The following PLCB4 variants were observed in gnomAD, a reference collection of about 807,000 sequenced individuals.
PLCB4 encodes phospholipase C beta 4.
Under a neutral mutation model 178.8 loss-of-function variants are expected in PLCB4, and 77 were observed. The observed-to-expected ratio is 0.43, with a 90% CI of 0.36 to 0.52. The LOEUF is 0.52. Ranked by LOEUF, PLCB4 falls within the 20% of genes least tolerant of loss-of-function variation. The pLI is 0.00. For synonymous variants in PLCB4, 496 were observed against 490.8 expected (o/e 1.01, Z -0.14); for missense variants, 1,024 against 1,453.4 (o/e 0.70, Z 4.80).
intron 35 of PLCB4, 49 bp from the exon 36 acceptor site, chr20:9,468,522 A>G: frequency 8.6e-7 from 1 of 1,160,018 alleles, no homozygotes; most frequent in Non-Finnish European, 1.3e-6. Flanking sequence ...CATTAAACAC[A>G]AACTCTCCAT....
intron 2 of PLCB4, among the ~76,000 whole-genome samples, chr20:9,204,449 T>C (rs1223485582): frequency 6.7e-6 from 1 of 150,224 alleles, no homozygotes; most frequent in Admixed American, 6.6e-5. Flanking sequence ...AACCTCTGCC[T>C]CCTGGGTTCA....
intron 2 of PLCB4, among the ~76,000 whole-genome samples, chr20:9,105,604 G>C (rs534760135): frequency 1.3e-5 from 2 of 152,130 alleles, no homozygotes; most frequent in East Asian, 1.9e-4. Flanking sequence ...CAATGGTATT[G>C]ATACAGGGAT....
intron 1 of PLCB4, among the ~76,000 whole-genome samples, chr20:9,083,685 T>A (rs6118476): frequency 0.073 from 11,124 of 152,176 alleles, 931 homozygotes; most frequent in East Asian, 0.32. Context: ...GAGGGTCACA[T>A]GGTTCATCAG....
At chr20:9,256,566 C>G (rs984893813) in intron 3 of PLCB4, among the ~76,000 whole-genome samples, 11 of 152,162 alleles carry the variant, frequency 7.2e-5, no homozygotes, top group African/African-American at 2.7e-4. Context: ...CCTGTAAAAA[C>G]AGGAGAAAGG....
At chr20:9,428,366 G>A (rs183419818) in intron 28 of PLCB4, among the ~76,000 whole-genome samples, 2 of 152,282 alleles carry the variant, frequency 1.3e-5, no homozygotes, top group East Asian at 1.9e-4. Flanking sequence ...GAGGGGAAGG[G>A]GGCAGGATGG....
intron 2 of PLCB4, among the ~76,000 whole-genome samples, chr20:9,111,666 G>A (rs1163102133): frequency 1.3e-5 from 2 of 152,084 alleles, no homozygotes; most frequent in African/African-American, 4.8e-5. Flanking sequence ...TGTTTGCTTT[G>A]GAAAGACCTG....
chr20:9,304,848 GTTTTCTTTTTTA>G (rs1456168935), intron 3 of PLCB4, among the ~76,000 whole-genome samples: 4 of 146,498 alleles, frequency 2.7e-5, no homozygotes, highest in African/African-American at 5.1e-5. Flanking sequence ...TCATTCCTGC[GTTTTCTTTTTTA>G]TTTTCTTTTT....
At chr20:9,433,750 CA>C (rs1358734072) in intron 28 of PLCB4, among the ~76,000 whole-genome samples, 2 of 151,956 alleles carry the variant, frequency 1.3e-5, no homozygotes, top group Non-Finnish European at 2.9e-5. Flanking sequence ...ATTAACTTGC[CA>C]AAAATAATTG....
intron 2 of PLCB4, among the ~76,000 whole-genome samples, chr20:9,125,088 C>A (rs1175976103): frequency 2.6e-5 from 4 of 152,164 alleles, no homozygotes; most frequent in Non-Finnish European, 4.4e-5. Context: ...TTGACTCCAT[C>A]AATTCACCAG....
chr20:9,118,018 C>CA (rs574035996), intron 2 of PLCB4, among the ~76,000 whole-genome samples: 4,136 of 149,296 alleles, frequency 0.028, 184 homozygotes, highest in African/African-American at 0.095. Flanking sequence ...ATAAAGTCCT[C>CA]AAAAAAAAAA....
intron 2 of PLCB4, among the ~76,000 whole-genome samples, chr20:9,205,461 T>C: frequency 6.6e-6 from 1 of 152,220 alleles, no homozygotes; most frequent in East Asian, 1.9e-4. Flanking sequence ...CTTTTTAACT[T>C]TTAATTTTGA....
chr20:9,078,212 C>A (rs2089968370), intron 1 of PLCB4, among the ~76,000 whole-genome samples: 1 of 152,060 alleles, frequency 6.6e-6, no homozygotes, highest in Non-Finnish European at 1.5e-5. Context: ...AACTCCTAGG[C>A]TCAAGCAGTC....
chr20:9,446,742 A>C (rs1602811951), intron 32 of PLCB4, among the ~76,000 whole-genome samples: 1 of 152,152 alleles, frequency 6.6e-6, no homozygotes, highest in Non-Finnish European at 1.5e-5. Context: ...TTAGCCAGGC[A>C]TGGTGGCAGG....
chr20:9,084,077 T>C (rs539303379), intron 1 of PLCB4, among the ~76,000 whole-genome samples: 1 of 152,378 alleles, frequency 6.6e-6, no homozygotes, highest in East Asian at 1.9e-4. Context: ...TGAACACATG[T>C]TCCTAATTTC....
At chr20:9,120,823 T>G (rs2091941200) in intron 2 of PLCB4, among the ~76,000 whole-genome samples, 1 of 152,148 alleles carries the variant, frequency 6.6e-6, no homozygotes, top group Admixed American at 6.6e-5. Context: ...TCCACCTCAC[T>G]CCCAGCCTTA....
At chr20:9,318,523 T>C (rs979995556) in intron 4 of PLCB4, among the ~76,000 whole-genome samples, 1 of 152,226 alleles carries the variant, frequency 6.6e-6, no homozygotes, top group East Asian at 1.9e-4. Flanking sequence ...GCATGTCTTC[T>C]AACATCCAGA....
At chr20:9,415,310 A>T (rs570669229) in intron 25 of PLCB4, among the ~76,000 whole-genome samples, 2 of 152,302 alleles carry the variant, frequency 1.3e-5, no homozygotes, top group African/African-American at 4.8e-5. Flanking sequence ...AACAGAGTTG[A>T]CCAGGGGTAG....
intron 2 of PLCB4, among the ~76,000 whole-genome samples, chr20:9,201,096 A>G (rs1417856517): frequency 6.6e-6 from 1 of 152,204 alleles, no homozygotes; most frequent in East Asian, 1.9e-4. Flanking sequence ...GTAACAGAAT[A>G]AAAAGTGAAT....
chr20:9,123,424 T>TG (rs1209996680), intron 2 of PLCB4, among the ~76,000 whole-genome samples: 1 of 151,382 alleles, frequency 6.6e-6, no homozygotes, highest in African/African-American at 2.4e-5. Context: ...TCTCCTCTTT[T>TG]TTTTTTTTTA....
Sources: allele counts gnomAD v4.1 joint callset (sites outside exome capture counted in the v4.1 genomes callset), GRCh38; gene constraint gnomAD v4.1.1; transcripts MANE v1.5; gene names NCBI Gene and HGNC (gene_info 2026-07-23, HGNC 2026-07-21).